CDC42BPA: variants seen among roughly 807,000 people sequenced by gnomAD.
CDC42BPA encodes CDC42 binding protein kinase alpha.
Under a neutral mutation model 223.5 loss-of-function variants are expected in CDC42BPA, and 80 were observed. That is an observed-to-expected ratio of 0.36 (90% CI 0.30 to 0.43). The LOEUF is 0.43. CDC42BPA is among the 20% of genes least tolerant of loss of function. The pLI is 1.00. For synonymous variants in CDC42BPA, 694 were observed against 718.6 expected, an observed-to-expected ratio of 0.97 and a Z score of 0.55; for missense variants, 1,743 against 2,099.9, an observed-to-expected ratio of 0.83 and a Z score of 3.32.
intron 1 of CDC42BPA, among the ~76,000 whole-genome samples, chr1:227,259,966 A>G (rs1683764546): frequency 6.6e-6 from 1 of 150,694 alleles, no homozygotes; most frequent in South Asian, 2.1e-4. Context: ...GATAATAATA[A>G]TCTTAGCAGG....
chr1:227,170,951 C>T (rs913623811), intron 5 of CDC42BPA, among the ~76,000 whole-genome samples: 1 of 152,204 alleles, frequency 6.6e-6, no homozygotes, highest in Non-Finnish European at 1.5e-5. Context: ...CCAACAAATT[C>T]CATTTTCTGG....
In CDC42BPA at chr1:227,119,899, C is replaced by A; in HGVS notation, c.1552G>T (p.Ala518Ser). 1 of 1,597,816 alleles carries A rather than the reference C, an allele frequency of 6.3e-7. No homozygotes were observed. Among genetic ancestry groups the A allele is most frequent in the Non-Finnish European group, 8.5e-7 (1 of 1,173,024 alleles). The change falls in exon 12 of 37, where the codon GCT becomes TCT. Residue 518 changes from alanine to serine, a missense_variant. By Grantham distance (99) the Ala-to-Ser change is moderately conservative. Coordinates refer to ENST00000366766, the MANE Select transcript of CDC42BPA (RefSeq NM_001394014.1). ...HLEQQLEEAN[A>S]VRQELDDAFR... ...GCATCATCTAGTTCTTGCCTCACAG[C>A]ATTAGCTTCTTCAAGTTGCTGTTCC...
intron 2 of CDC42BPA, among the ~76,000 whole-genome samples, chr1:227,223,627 C>G (rs12565666): frequency 6.6e-6 from 1 of 152,170 alleles, no homozygotes; most frequent in Non-Finnish European, 1.5e-5. Context: ...AAATCTAGCA[C>G]CTCCCTTTGT....
intron 35 of CDC42BPA, among the ~76,000 whole-genome samples, chr1:227,000,812 C>CT (rs1338682122): frequency 6.9e-6 from 1 of 145,656 alleles, no homozygotes; most frequent in Admixed American, 6.8e-5. Context: ...ACACTACAAC[C>CT]TTTAAAAAAA....
intron 5 of CDC42BPA, among the ~76,000 whole-genome samples, chr1:227,168,794 G>GC (rs919103417): frequency 4.6e-5 from 7 of 152,028 alleles, no homozygotes; most frequent in African/African-American, 1.7e-4. Context: ...ACTGCACTCG[G>GC]CCCCCTGGTG....
At chr1:227,243,521 G>C (rs1680365090) in intron 2 of CDC42BPA, among the ~76,000 whole-genome samples, 1 of 151,994 alleles carries the variant, frequency 6.6e-6, no homozygotes, top group Admixed American at 6.6e-5. Context: ...GTCAATACCA[G>C]AGAGATGAGA....
chr1:227,160,037 G>A (rs967161481), intron 6 of CDC42BPA, among the ~76,000 whole-genome samples: 2 of 152,076 alleles, frequency 1.3e-5, no homozygotes, highest in African/African-American at 2.4e-5. Context: ...ACCAACTGAC[G>A]GGTTTAGGGT....
rs1688311756 is a variant in CDC42BPA, at chr1:227,119,615, CAA to C, written c.1647+187_1647+188del. ...AAGATTCTGAACTTTCAAGCTTCAA[CAA>C]AGTTTCTTAATTTCTAGCTACTAAC... is the stretch of plus-strand genomic sequence containing the variant. On this transcript the variant is annotated intron_variant, in intron 12 of 36. Transcript: ENST00000366766. 2.6e-5 allele frequency among the ~76,000 whole-genome samples: 4 copies of C among 152,022 alleles called. No individual in the cohort carries two copies. The South Asian group carries it at 6.2e-4, about 24-fold the overall frequency.
intron 21 of CDC42BPA, among the ~76,000 whole-genome samples, chr1:227,065,092 A>G (rs529332057): frequency 3.5e-5 from 5 of 143,820 alleles, no homozygotes; most frequent in East Asian, 4.3e-4. Context: ...GCGAGACTCC[A>G]TCTCAAAATA....
chr1:227,071,018 C>T (rs1319921977), intron 20 of CDC42BPA, among the ~76,000 whole-genome samples: 1 of 151,872 alleles, frequency 6.6e-6, no homozygotes, highest in Non-Finnish European at 1.5e-5. Flanking sequence ...TTTCAAATTT[C>T]CATTAATTAA....
intron 12 of CDC42BPA, among the ~76,000 whole-genome samples, chr1:227,117,347 T>G (rs1687924573): frequency 6.6e-6 from 1 of 152,180 alleles, no homozygotes; most frequent in African/African-American, 2.4e-5. Context: ...GATAGGGTCT[T>G]GCTCTGTTGA....
intron 14 of CDC42BPA, among the ~76,000 whole-genome samples, chr1:227,102,113 A>AGGTCACT (rs1685144296): frequency 6.6e-6 from 1 of 152,144 alleles, no homozygotes; most frequent in African/African-American, 2.4e-5. Context: ...CAAGATCTGG[A>AGGTCACT]GGTCACTGTA....
Position 227,145,629 on chromosome 1 carries a change from C to T in CDC42BPA, c.1003G>A (p.Glu335Lys). 1 of 1,613,894 alleles carries T rather than the reference C, an allele frequency of 6.2e-7. No homozygotes were observed. The highest frequency in any genetic ancestry group is 1.1e-5 in the South Asian group (1 of 91,072). ...REHRLGQNGI[E>K]DFKKHPFFSG... ...AAAAATGGGTGTTTCTTAAAGTCTT[C>T]TATTCCATTTTGACCAAGTCGATGT... is the stretch of plus-strand genomic sequence containing the variant. The change falls in exon 8 of 37, where the codon GAA becomes AAA. Residue 335 changes from glutamate to lysine, a missense_variant. By Grantham distance (56) the Glu-to-Lys change is moderately conservative (BLOSUM62 1). Coordinates refer to ENST00000366766, the MANE Select transcript of CDC42BPA (RefSeq NM_001394014.1).
intron 21 of CDC42BPA, among the ~76,000 whole-genome samples, chr1:227,063,888 A>C (rs1676450312): frequency 1.3e-5 from 2 of 152,210 alleles, no homozygotes; most frequent in Admixed American, 1.3e-4. Flanking sequence ...AATGTAAAAG[A>C]AGCTGGGAGA....
chr1:227,074,482 A>C (rs2149084198), intron 17 of CDC42BPA, 118 bp from the exon 18 acceptor site: 1 of 710,990 alleles, frequency 1.4e-6, no homozygotes, highest in Middle Eastern at 2.8e-4. Context: ...GTCTTAAATA[A>C]TTTCTTTGAA....
At chr1:227,200,728 T>C (rs973750564) in intron 3 of CDC42BPA, among the ~76,000 whole-genome samples, 2 of 152,180 alleles carry the variant, frequency 1.3e-5, no homozygotes, top group Non-Finnish European at 2.9e-5. Flanking sequence ...CACTTAGAAG[T>C]AGAAATGCTA....
intron 35 of CDC42BPA, among the ~76,000 whole-genome samples, chr1:227,003,225 A>T (rs1663250697): frequency 6.6e-6 from 1 of 152,158 alleles, no homozygotes; most frequent in Non-Finnish European, 1.5e-5. Flanking sequence ...AAGTTTTCTG[A>T]CTCAATGACT....
chr1:227,095,322 G>GA (rs1412890510), intron 15 of CDC42BPA, among the ~76,000 whole-genome samples: 1 of 152,154 alleles, frequency 6.6e-6, no homozygotes, highest in Non-Finnish European at 1.5e-5. Flanking sequence ...AGAGGTTAGG[G>GA]AAAGAGGATA....
intron 5 of CDC42BPA, among the ~76,000 whole-genome samples, chr1:227,171,848 C>A (rs1393304575): frequency 6.6e-6 from 1 of 152,112 alleles, no homozygotes; most frequent in Non-Finnish European, 1.5e-5. Flanking sequence ...TTGGCCCCAA[C>A]CCAGACACCA....
Sources: allele counts gnomAD v4.1 joint callset (sites outside exome capture counted in the v4.1 genomes callset), GRCh38; gene constraint gnomAD v4.1.1; transcripts MANE v1.5; gene names NCBI Gene and HGNC (gene_info 2026-07-23, HGNC 2026-07-21).